The following SNX29 variants were observed in gnomAD, a reference collection of about 807,000 sequenced individuals.
SNX29 encodes the protein sorting nexin-29.
A neutral mutation model predicts 102.1 loss-of-function variants in SNX29; 78 were observed. The ratio of observed to expected loss-of-function variants is 0.76; its 90% CI spans 0.64 to 0.92. The LOEUF (loss-of-function observed/expected upper bound fraction) is 0.92, where lower values mean the gene tolerates loss of function less well. Among genes scored for constraint, SNX29 ranks in the 40% least tolerant of loss-of-function variants. The probability of loss-of-function intolerance (pLI) is 0.00; values close to 1 mark genes in which losing one functional copy is unlikely to be tolerated. For missense variants in SNX29, 1,280 were observed against 1,061.7 expected (o/e 1.21, Z -2.86); for synonymous variants, 580 against 414.5 (o/e 1.40, Z -4.85).
chr16:12,544,106 CTGT>C (rs1234711611), intron 20 of SNX29, among the ~76,000 whole-genome samples: 1 of 152,182 alleles, frequency 6.6e-6, no homozygotes, highest in Non-Finnish European at 1.5e-5. Flanking sequence ...TTGTGGAAGG[CTGT>C]TAAGGAAAAC....
intron 20 of SNX29, among the ~76,000 whole-genome samples, chr16:12,536,352 C>T (rs758029696): frequency 1.3e-5 from 2 of 151,920 alleles, no homozygotes; most frequent in East Asian, 1.9e-4. Flanking sequence ...GCCGTACTGT[C>T]AGGGTTGGGG....
At chr16:12,366,721 C>T (rs1334961857) in intron 16 of SNX29, among the ~76,000 whole-genome samples, 1 of 152,250 alleles carries the variant, frequency 6.6e-6, no homozygotes, top group African/African-American at 2.4e-5. Context: ...CTCCTGTTTT[C>T]GTGTCTTTGT....
intron 18 of SNX29, among the ~76,000 whole-genome samples, chr16:12,436,099 T>C (rs1416326765): frequency 6.6e-6 from 1 of 152,156 alleles, no homozygotes; most frequent in Non-Finnish European, 1.5e-5. Context: ...GTGAGTTTTA[T>C]GTTGGTGATG....
At chr16:12,232,216 G>T (rs969782959) in intron 14 of SNX29, among the ~76,000 whole-genome samples, 1 of 152,188 alleles carries the variant, frequency 6.6e-6, no homozygotes, top group South Asian at 2.1e-4. Context: ...TGTAGGCCAT[G>T]TTAGTAGATG....
rs1200123654 is a variant in SNX29 at position 12,069,889 on chromosome 16, A to G, written c.1319+757A>G. Among the ~76,000 whole-genome samples, 3 of 151,224 alleles carry G rather than the reference A, an allele frequency of 2.0e-5. No homozygotes were observed. In the East Asian group the frequency reaches 6.0e-4, roughly 30 times the overall value. On this transcript the variant is annotated intron_variant, in intron 10 of 20. Transcript: ENST00000566228. ...GTATTTTCAGTAGAGATGGGGTTTC[A>G]CCGTGGTCTCGATCTCCTGACCTCG... is the stretch of plus-strand genomic sequence containing the variant.
At chr16:12,035,015 A>T (rs2057435755) in intron 4 of SNX29, among the ~76,000 whole-genome samples, 1 of 152,038 alleles carries the variant, frequency 6.6e-6, no homozygotes, top group Admixed American at 6.6e-5. Flanking sequence ...CACCTCAAAA[A>T]AAAAAAGGTA....
chr16:12,315,115 C>T (rs954082614), intron 15 of SNX29, among the ~76,000 whole-genome samples: 5 of 152,166 alleles, frequency 3.3e-5, no homozygotes, highest in Middle Eastern at 3.2e-3. Flanking sequence ...TCATGGGAGG[C>T]CTCACTGTCT....
At chr16:12,522,658 A>T (rs946620164) in intron 19 of SNX29, among the ~76,000 whole-genome samples, 1 of 152,150 alleles carries the variant, frequency 6.6e-6, no homozygotes, top group Non-Finnish European at 1.5e-5. Flanking sequence ...TGCTCCGGCC[A>T]CGTAAGATGT....
At chr16:12,160,416 G>C (rs1179402294) in intron 13 of SNX29, among the ~76,000 whole-genome samples, 1 of 152,158 alleles carries the variant, frequency 6.6e-6, no homozygotes, top group African/African-American at 2.4e-5. Context: ...AACTTTAGAA[G>C]GTCACAGCCA....
intron 20 of SNX29, among the ~76,000 whole-genome samples, chr16:12,563,201 C>G (rs1333692685): frequency 7.2e-5 from 3 of 41,654 alleles, no homozygotes; most frequent in Non-Finnish European, 9.8e-5. Context: ...AGTCAACATG[C>G]TGGGATTGAG....
intron 20 of SNX29, among the ~76,000 whole-genome samples, chr16:12,567,960 C>T (rs574140301): frequency 3.9e-5 from 6 of 152,246 alleles, no homozygotes; most frequent in African/African-American, 7.2e-5. Flanking sequence ...ATCAGTGTCC[C>T]CCTCTTGGTG....
At chr16:12,329,771 C>A (rs1443987831) in intron 15 of SNX29, among the ~76,000 whole-genome samples, 1 of 152,238 alleles carries the variant, frequency 6.6e-6, no homozygotes, top group South Asian at 2.1e-4. Context: ...TGCCAAGTGG[C>A]CCTTCTCTTT....
At chr16:12,461,270 T>C (rs2086765714) in intron 18 of SNX29, among the ~76,000 whole-genome samples, 1 of 152,184 alleles carries the variant, frequency 6.6e-6, no homozygotes, top group South Asian at 2.1e-4. Context: ...GCCTAGTAGG[T>C]GCTCAATAAA....
At chr16:12,392,310 CT>C (rs1476026494) in intron 16 of SNX29, among the ~76,000 whole-genome samples, 2 of 152,170 alleles carry the variant, frequency 1.3e-5, no homozygotes, top group Non-Finnish European at 2.9e-5. Context: ...CAACAAATGT[CT>C]TTGTATCCTT....
At chr16:12,567,455 G>A (rs1042585848) in intron 20 of SNX29, among the ~76,000 whole-genome samples, 5 of 152,206 alleles carry the variant, frequency 3.3e-5, no homozygotes, top group African/African-American at 4.8e-5. Context: ...CAGAATTTAT[G>A]TGTCCCCTTA....
intron 14 of SNX29, among the ~76,000 whole-genome samples, chr16:12,248,750 AT>A (rs1441798371): frequency 6.6e-6 from 1 of 151,570 alleles, no homozygotes; most frequent in Non-Finnish European, 1.5e-5. Context: ...TCAGGAGGTC[AT>A]TTTATCTAGA....
intron 18 of SNX29, among the ~76,000 whole-genome samples, chr16:12,423,673 C>T (rs767718753): frequency 2.1e-4 from 32 of 152,162 alleles, no homozygotes; most frequent in Non-Finnish European, 3.4e-4. Flanking sequence ...CGTGTTCAAA[C>T]CATTCTCCTG....
At chr16:12,263,905 G>C (rs892405466) in intron 14 of SNX29, among the ~76,000 whole-genome samples, 2 of 152,184 alleles carry the variant, frequency 1.3e-5, no homozygotes, top group African/African-American at 4.8e-5. Flanking sequence ...CCCTTTTGAA[G>C]CTTCTAATCT....
chr16:12,070,529 A>G (rs1199601832), intron 10 of SNX29, among the ~76,000 whole-genome samples: 1 of 151,738 alleles, frequency 6.6e-6, no homozygotes, highest in Non-Finnish European at 1.5e-5. Context: ...ATGGCTGCAT[A>G]GTATTCCATG....
Sources: gnomAD v4.1 joint callset for allele counts (sites outside exome capture counted in the v4.1 genomes callset) on GRCh38, gnomAD v4.1.1 for gene constraint, MANE v1.5 for transcripts, NCBI Gene and HGNC (gene_info 2026-07-23, HGNC 2026-07-21) for gene names.